The following NMT1 variants were observed in gnomAD, a reference collection of about 807,000 sequenced individuals.
NMT1 encodes the protein N-myristoyltransferase 1.
Under a neutral mutation model 63.4 loss-of-function variants are expected in NMT1, and 12 were observed. The ratio of observed to expected loss-of-function variants is 0.19; its 90% confidence interval spans 0.12 to 0.31. NMT1 has a LOEUF of 0.31. NMT1 is among the 10% of genes least tolerant of loss of function. NMT1 has a pLI of 1.00. For missense variants in NMT1, 432 were observed against 634.6 expected, an observed-to-expected ratio of 0.68 and a Z score of 3.43; for synonymous variants, 228 against 234.3, an observed-to-expected ratio of 0.97 and a Z score of 0.25.
chr17:45,091,672 A>C (rs961210549), intron 3 of NMT1, among the ~76,000 whole-genome samples: 9 of 152,214 alleles, frequency 5.9e-5, no homozygotes, highest in African/African-American at 2.2e-4. Context: ...TTTAATATAC[A>C]TAGCTGTCAG....
Position 45,078,907 on chromosome 17 carries a change from C to T in NMT1, c.132-2737C>T, listed in dbSNP as rs115456363. ...CAAACTCCTGAGCTCAAGTGATCCG[C>T]CTGCCTTTTCCTCCCAAAGTGTTGG... On this transcript the variant is annotated intron_variant, in intron 1 of 11. Coordinates refer to ENST00000258960, the MANE Select transcript of NMT1 (RefSeq NM_021079.5). Among the ~76,000 whole-genome samples, 1,161 of 151,966 alleles carry T rather than the reference C, an allele frequency of 7.6e-3. 18 individuals are homozygous for T. The highest frequency in any genetic ancestry group is 0.026 in the African/African-American group (1,091 of 41,460).
At chr17:45,086,193 G>A (rs920752928) in intron 2 of NMT1, among the ~76,000 whole-genome samples, 5 of 138,738 alleles carry the variant, frequency 3.6e-5, no homozygotes, top group Non-Finnish European at 7.6e-5. Context: ...GCGCCATCTC[G>A]GTTCACTGCA....
intron 8 of NMT1, 195 bp downstream of exon 8, chr17:45,099,708 T>G (rs906603564): frequency 1.6e-5 from 9 of 574,488 alleles, no homozygotes; most frequent in Non-Finnish European, 2.5e-5. Flanking sequence ...TTTAACTTTC[T>G]CAGTTCCTCT....
Position 45,104,562 on chromosome 17 carries a change from A to T in NMT1, c.1333-297A>T, listed in dbSNP as rs887373500. 8.4e-7 allele frequency: 1 copy of T among 1,190,670 alleles called. No homozygotes were observed. Among genetic ancestry groups the T allele is most frequent in the African/African-American group, 1.5e-5 (1 of 64,896 alleles). The allele number at this position is 1,190,670 out of a possible 1,614,324, so 73.8% of individuals were successfully genotyped here. On this transcript the variant is annotated intron_variant, in intron 10 of 11. Coordinates refer to ENST00000258960, the MANE Select transcript of NMT1 (RefSeq NM_021079.5). This position sits in a 1 kb window ranked among gnomAD's most constrained non-coding sequence, Gnocchi z 4.2. The stretch of plus-strand genomic sequence containing the variant: ...GTTTGGACTCCAGAGAGGACTGTGG[A>T]AATTACTAGAGTTTCAGGGAGGCAT...
At chr17:45,063,725 G>A (rs867489354) in intron 1 of NMT1, among the ~76,000 whole-genome samples, 5 of 151,916 alleles carry the variant, frequency 3.3e-5, no homozygotes, top group African/African-American at 4.8e-5. Flanking sequence ...GTGAAACCCC[G>A]TCTCCACTAA....
chr17:45,076,348 G>GTC (rs1428031247), intron 1 of NMT1, among the ~76,000 whole-genome samples: 1 of 151,612 alleles, frequency 6.6e-6, no homozygotes, highest in Non-Finnish European at 1.5e-5. Context: ...TGAATTGGTT[G>GTC]TCTTCTGTTT....
intron 1 of NMT1, among the ~76,000 whole-genome samples, chr17:45,069,636 C>G (rs1469733737): frequency 6.6e-6 from 1 of 152,130 alleles, no homozygotes; most frequent in Non-Finnish European, 1.5e-5. Flanking sequence ...TGCATCTCCA[C>G]TGGTCTCTTT....
intron 2 of NMT1, among the ~76,000 whole-genome samples, chr17:45,085,616 C>G (rs995533794): frequency 6.6e-6 from 1 of 152,130 alleles, no homozygotes; most frequent in Non-Finnish European, 1.5e-5. Flanking sequence ...ATGTGTCTTA[C>G]ACATTTCTGC....
intron 8 of NMT1, 57 bp downstream of exon 8, chr17:45,099,570 C>A (rs1167937806): frequency 7.8e-7 from 1 of 1,282,088 alleles, no homozygotes; most frequent in Non-Finnish European, 1.1e-6. Context: ...GAGAGCCTGG[C>A]TGTCAGCAGG....
rs1358022791 is a variant in NMT1 at position 45,108,605 on chromosome 17, G to A, written c.*2966G>A. 6 of 152,710 alleles carry A rather than the reference G, an allele frequency of 3.9e-5. No homozygotes were observed. Among genetic ancestry groups the A allele is most frequent in the African/African-American group, 1.4e-4 (6 of 41,456 alleles). The allele number at this position is 152,710 out of a possible 1,614,324, so 9.5% of individuals were successfully genotyped here. On this transcript the variant is annotated 3_prime_UTR_variant, in exon 12 of 12. Transcript: ENST00000258960. ...TGCATGGAGCTGCACTCTAGGAGAA[G>A]GAGGGGAACCAGATGTTAGATCAGG... is the stretch of plus-strand genomic sequence containing the variant.
Position 45,103,342 on chromosome 17 carries a change from A to C in NMT1, c.1164+221A>C, listed in dbSNP as rs2054180367. 6.6e-6 allele frequency among the ~76,000 whole-genome samples: 1 copy of C among 152,288 alleles called. No homozygotes were observed. Among genetic ancestry groups the C allele is most frequent in the East Asian group, 1.9e-4 (1 of 5,176 alleles). ...CCCCTCTGCCCCACTTTGATAACAC[A>C]AAATAGAGAGAACTGAGCCCCGCTT... On this transcript the variant is annotated intron_variant, in intron 9 of 11. Coordinates refer to ENST00000258960, the MANE Select transcript of NMT1 (RefSeq NM_021079.5). The surrounding 1 kb of genome is among the most constrained non-coding windows in gnomAD (Gnocchi z 4.8).
intron 1 of NMT1, among the ~76,000 whole-genome samples, chr17:45,072,059 C>T (rs1199871070): frequency 2.0e-5 from 3 of 152,102 alleles, no homozygotes; most frequent in African/African-American, 7.2e-5. Flanking sequence ...CAAGACCAGC[C>T]TGGGCAACAT....
intron 7 of NMT1, among the ~76,000 whole-genome samples, chr17:45,099,201 A>G (rs1291887293): frequency 6.6e-6 from 1 of 152,166 alleles, no homozygotes; most frequent in Non-Finnish European, 1.5e-5. Flanking sequence ...AGCAAGAAAA[A>G]TAGGGAGAAA....
At chr17:45,072,016 T>C (rs1456226798) in intron 1 of NMT1, among the ~76,000 whole-genome samples, 1 of 152,112 alleles carries the variant, frequency 6.6e-6, no homozygotes, top group African/African-American at 2.4e-5. Flanking sequence ...TTTTGGGAAA[T>C]TGAAGCAGGT....
At chr17:45,101,798 A>G (rs893059792) in intron 8 of NMT1, among the ~76,000 whole-genome samples, 4 of 152,120 alleles carry the variant, frequency 2.6e-5, no homozygotes, top group African/African-American at 9.7e-5. Context: ...TAATCCACCT[A>G]GTGATTGGGG....
rs1417962663 is a variant in NMT1 at position 45,107,221 on chromosome 17, C to T, written c.*1582C>T. 6 of 152,168 alleles carry T rather than the reference C, an allele frequency of 3.9e-5. No homozygotes were observed. The allele number at this position is 152,168 out of a possible 1,614,324, so 9.4% of individuals were successfully genotyped here. On this transcript the variant is annotated 3_prime_UTR_variant, in exon 12 of 12. Transcript: ENST00000258960. Reference sequence around the variant, plus strand: ...GGCTGTGGGTTTTGGTGTGGTTTGTCAGAGGCTAATTCTGCAGAGTTTCCA... The same window carrying T: ...GGCTGTGGGTTTTGGTGTGGTTTGTTAGAGGCTAATTCTGCAGAGTTTCCA...
intron 1 of NMT1, among the ~76,000 whole-genome samples, chr17:45,075,937 G>A (rs113132720): frequency 3.9e-5 from 6 of 152,072 alleles, no homozygotes; most frequent in South Asian, 2.1e-4. Flanking sequence ...GGGTATGGTG[G>A]TATGTGCCTG....
intron 2 of NMT1, among the ~76,000 whole-genome samples, chr17:45,084,460 G>A (rs1365074972): frequency 3.3e-5 from 5 of 149,740 alleles, no homozygotes; most frequent in African/African-American, 7.4e-5. Flanking sequence ...TCAGCCTCCC[G>A]AGTAGCTGGG....
rs762018611 is a variant in NMT1, at chr17:45,105,578, A to G, written c.1471-41A>G. On this transcript the variant is annotated intron_variant, in intron 11 of 11. Transcript: ENST00000258960. This position sits in a 1 kb window ranked among gnomAD's most constrained non-coding sequence, Gnocchi z 4.2. ...GGGGGTGTGGGAGAGTCTTTGGGCC[A>G]CTGTCAACTCAGCTCTGCCTCTCCC... 9 of 1,611,846 alleles carry G rather than the reference A, an allele frequency of 5.6e-6. No homozygotes were observed. The South Asian group carries it at 8.8e-5, about 16-fold the overall frequency.
Sources: gnomAD v4.1 joint callset for allele counts (sites outside exome capture counted in the v4.1 genomes callset) on GRCh38, gnomAD v4.1.1 for gene constraint, Gnocchi (gnomAD v3.1) non-coding constraint, MANE v1.5 for transcripts, NCBI Gene and HGNC (gene_info 2026-07-23, HGNC 2026-07-21) for gene names.